Variants in SOX5 observed in about 807,000 individuals in gnomAD.
The protein encoded by SOX5 is transcription factor SOX-5.
Under a neutral mutation model 92.0 loss-of-function variants are expected in SOX5, and 9 were observed. The observed-to-expected ratio is 0.10, with a 90% CI of 0.06 to 0.17. The LOEUF (loss-of-function observed/expected upper bound fraction) is 0.17. Ranked by LOEUF, SOX5 falls within the 10% of genes least tolerant of loss-of-function variation. The probability of loss-of-function intolerance (pLI) is 1.00; values close to 1 mark genes in which losing one functional copy is unlikely to be tolerated. For synonymous variants in SOX5, 344 were observed against 336.3 expected (o/e 1.02, Z -0.25); for missense variants, 642 against 944.5 (o/e 0.68, Z 4.20).
chr12:24,367,087 G>A (rs569371627), intron 2 of SOX5, among the ~76,000 whole-genome samples: 1 of 152,246 alleles, frequency 6.6e-6, no homozygotes, highest in South Asian at 2.1e-4. Flanking sequence ...GCAGATATTA[G>A]TAGGAAATAA....
chr12:24,031,769 A>G (rs904882089), intron 4 of SOX5, among the ~76,000 whole-genome samples: 9 of 151,856 alleles, frequency 5.9e-5, no homozygotes, highest in African/African-American at 2.2e-4. Flanking sequence ...TAAAAGACTC[A>G]GAGTAACTTA....
chr12:23,580,862 T>C (rs938848036), intron 9 of SOX5, among the ~76,000 whole-genome samples: 5 of 152,034 alleles, frequency 3.3e-5, no homozygotes, highest in African/African-American at 4.8e-5. Flanking sequence ...TAAAAAACCA[T>C]TGCATAAAGA....
At chr12:23,797,457 T>C (rs1594539132) in intron 3 of SOX5, among the ~76,000 whole-genome samples, 1 of 152,098 alleles carries the variant, frequency 6.6e-6, no homozygotes, top group Non-Finnish European at 1.5e-5. Flanking sequence ...TGGCTATAAA[T>C]AATCCTGAAA....
intron 9 of SOX5, among the ~76,000 whole-genome samples, chr12:23,578,106 T>G (rs1949463531): frequency 2.1e-5 from 1 of 47,944 alleles, no homozygotes; most frequent in African/African-American, 7.5e-5. Context: ...CGCAACAGAG[T>G]GAGACTGTGT....
At chr12:24,052,067 T>C (rs1433630690) in intron 4 of SOX5, among the ~76,000 whole-genome samples, 1 of 152,184 alleles carries the variant, frequency 6.6e-6, no homozygotes, top group Non-Finnish European at 1.5e-5. Context: ...AATAGAGCCT[T>C]ACTTGACGTT....
chr12:23,551,472 T>C (rs1392046388), intron 11 of SOX5, among the ~76,000 whole-genome samples: 1 of 151,876 alleles, frequency 6.6e-6, no homozygotes, highest in Non-Finnish European at 1.5e-5. Flanking sequence ...TTGTAAGTTA[T>C]GTATAAATGA....
chr12:24,028,727 A>C (rs917001413), intron 4 of SOX5, among the ~76,000 whole-genome samples: 2 of 152,032 alleles, frequency 1.3e-5, no homozygotes, highest in African/African-American at 4.8e-5. Flanking sequence ...AATAATAATG[A>C]ATGTATGCCT....
intron 3 of SOX5, among the ~76,000 whole-genome samples, chr12:24,261,078 G>T (rs1304241440): frequency 2.0e-5 from 3 of 152,072 alleles, no homozygotes; most frequent in African/African-American, 7.2e-5. Flanking sequence ...TTTATAAAAT[G>T]CTTATGAGTG....
At chr12:23,707,696 T>C (rs901043245) in intron 6 of SOX5, among the ~76,000 whole-genome samples, 11 of 152,134 alleles carry the variant, frequency 7.2e-5, no homozygotes, top group Admixed American at 4.6e-4. Flanking sequence ...ATTCATTCAT[T>C]TTAAGGTTAC....
At chr12:23,655,082 T>A (rs1288395751) in intron 7 of SOX5, among the ~76,000 whole-genome samples, 2 of 152,108 alleles carry the variant, frequency 1.3e-5, no homozygotes, top group East Asian at 3.9e-4. Context: ...GATTAATTTA[T>A]GAACTCTTTA....
intron 4 of SOX5, among the ~76,000 whole-genome samples, chr12:24,149,059 T>C (rs1361153912): frequency 6.6e-6 from 1 of 152,132 alleles, no homozygotes; most frequent in Non-Finnish European, 1.5e-5. Flanking sequence ...ATCTCCACTT[T>C]GCCTCATATG....
At chr12:23,545,094 C>T (rs148607077) in intron 12 of SOX5, among the ~76,000 whole-genome samples, 35 of 152,296 alleles carry the variant, frequency 2.3e-4, no homozygotes, top group African/African-American at 7.5e-4. Flanking sequence ...GATAGAATTA[C>T]GTGTTTCAAC....
intron 1 of SOX5, among the ~76,000 whole-genome samples, chr12:23,949,130 T>G (rs1302131511): frequency 2.6e-5 from 4 of 152,102 alleles, no homozygotes; most frequent in Non-Finnish European, 5.9e-5. Flanking sequence ...ATAGCCTCCG[T>G]TTAAAGCACC....
intron 1 of SOX5, among the ~76,000 whole-genome samples, chr12:24,431,311 G>C (rs1938266211): frequency 6.6e-6 from 1 of 152,030 alleles, no homozygotes; most frequent in East Asian, 1.9e-4. Flanking sequence ...TAATTGAGAG[G>C]CAATTCTATT....
intron 1 of SOX5, among the ~76,000 whole-genome samples, chr12:24,411,242 TG>T (rs1436734819): frequency 1.3e-5 from 2 of 152,102 alleles, no homozygotes; most frequent in African/African-American, 4.8e-5. Context: ...ACATAAACAA[TG>T]ATATCAAATG....
chr12:23,977,525 C>A (rs116148934), intron 4 of SOX5, among the ~76,000 whole-genome samples: 3 of 151,888 alleles, frequency 2.0e-5, no homozygotes, highest in Admixed American at 2.0e-4. Context: ...TAGCCGGGAC[C>A]GGTGGTGCAT....
intron 4 of SOX5, among the ~76,000 whole-genome samples, chr12:24,167,901 G>A (rs1433559606): frequency 1.3e-5 from 2 of 152,118 alleles, no homozygotes; most frequent in Non-Finnish European, 1.5e-5. Flanking sequence ...AAGAGCCAGG[G>A]TGCAAACCCA....
intron 4 of SOX5, among the ~76,000 whole-genome samples, chr12:24,072,737 C>G (rs1368590154): frequency 6.6e-6 from 1 of 152,160 alleles, no homozygotes. Flanking sequence ...TAAATTAAAA[C>G]ATTAATAAAG....
chr12:23,994,541 T>C (rs1019411731), intron 4 of SOX5, among the ~76,000 whole-genome samples: 1 of 152,144 alleles, frequency 6.6e-6, no homozygotes, highest in African/African-American at 2.4e-5. Context: ...TATTATGGTA[T>C]TCAAGGATTA....
Sources: gnomAD v4.1 joint callset for allele counts (sites outside exome capture counted in the v4.1 genomes callset) on GRCh38, gnomAD v4.1.1 for gene constraint, MANE v1.5 for transcripts, NCBI Gene and HGNC (gene_info 2026-07-23, HGNC 2026-07-21) for gene names.